The following GPR137C variants were observed in gnomAD, a reference collection of about 807,000 sequenced individuals.
The protein encoded by GPR137C is G protein-coupled receptor 137C, also known as integral membrane protein GPR137C.
A neutral mutation model predicts 43.4 loss-of-function variants in GPR137C; 27 were observed. That is an observed-to-expected ratio of 0.62 (90% CI 0.46 to 0.86). GPR137C has a LOEUF of 0.86. Ranked by LOEUF, GPR137C falls within the 40% of genes least tolerant of loss-of-function variation. The pLI, the probability that GPR137C is intolerant of heterozygous loss-of-function variation, is 0.00. For synonymous variants in GPR137C, 285 were observed against 226.9 expected (o/e 1.26, Z -2.30); for missense variants, 522 against 534.6 (o/e 0.98, Z 0.23).
At chr14:52,570,220 C>T (rs988277807) in intron 1 of GPR137C, among the ~76,000 whole-genome samples, 1 of 152,112 alleles carries the variant, frequency 6.6e-6, no homozygotes, top group Non-Finnish European at 1.5e-5. Flanking sequence ...GAATTTTCAA[C>T]CCAGAATTTC....
chr14:52,585,556 A>G (rs1003897302), intron 1 of GPR137C, among the ~76,000 whole-genome samples: 2 of 152,224 alleles, frequency 1.3e-5, no homozygotes, highest in East Asian at 1.9e-4. Flanking sequence ...GACCAAGGCC[A>G]GGTATGGTGG....
chr14:52,600,857 A>C (rs2038915906), intron 3 of GPR137C, among the ~76,000 whole-genome samples: 1 of 152,200 alleles, frequency 6.6e-6, no homozygotes, highest in Non-Finnish European at 1.5e-5. Flanking sequence ...ATTTTGCACA[A>C]TAAGGGTGGC....
At chr14:52,597,800 C>T (rs1363898060) in intron 1 of GPR137C, among the ~76,000 whole-genome samples, 5 of 152,152 alleles carry the variant, frequency 3.3e-5, no homozygotes, top group Admixed American at 3.3e-4. Flanking sequence ...TATGATATAT[C>T]CTCATTATCT....
chr14:52,567,668 T>A (rs903422941), intron 1 of GPR137C, among the ~76,000 whole-genome samples: 9 of 151,192 alleles, frequency 6.0e-5, no homozygotes, highest in African/African-American at 9.7e-5. Context: ...TTTGGTTTTT[T>A]TTTTTTTTTG....
chr14:52,591,371 G>C (rs552740770), intron 1 of GPR137C, among the ~76,000 whole-genome samples: 56 of 152,308 alleles, frequency 3.7e-4, no homozygotes, highest in African/African-American at 1.3e-3. Context: ...GGGTCAAGTA[G>C]TATTTCTAGT....
chr14:52,626,444 C>G (rs1384128392), intron 3 of GPR137C, among the ~76,000 whole-genome samples: 1 of 151,090 alleles, frequency 6.6e-6, no homozygotes, highest in African/African-American at 2.4e-5. Flanking sequence ...AAATTTGGTA[C>G]CCTTCATGAT....
At chr14:52,588,326 A>G (rs1248577728) in intron 1 of GPR137C, among the ~76,000 whole-genome samples, 1 of 151,870 alleles carries the variant, frequency 6.6e-6, no homozygotes, top group Non-Finnish European at 1.5e-5. Context: ...TTTTTATTTA[A>G]TAGAGACAGG....
At chr14:52,633,793 A>G (rs756068816) in intron 5 of GPR137C, 35 bp from the exon 6 acceptor site, 5 of 1,542,454 alleles carry the variant, frequency 3.2e-6, no homozygotes, top group Non-Finnish European at 3.6e-6. Flanking sequence ...TGGAAAAGTA[A>G]AACCTTCATA....
At chr14:52,608,202 T>C (rs147418492) in intron 3 of GPR137C, among the ~76,000 whole-genome samples, 2 of 152,344 alleles carry the variant, frequency 1.3e-5, no homozygotes, top group East Asian at 3.9e-4. Flanking sequence ...TCTTCTTTTG[T>C]GGTTAAGTGA....
At chr14:52,574,740 C>T (rs2038525626) in intron 1 of GPR137C, among the ~76,000 whole-genome samples, 1 of 152,026 alleles carries the variant, frequency 6.6e-6, no homozygotes, top group African/African-American at 2.4e-5. Context: ...TTAAAGCAAG[C>T]GACATTTCTT....
rs765817128 is a variant in GPR137C at position 52,553,378 on chromosome 14, G to C, written c.231G>C (p.Arg77=). ...GGCGGCTGCTCCTGTACCGCGAGCG[G>C]CGGCTGAGTTACCAGAGCCTCTGCC... ...QLWRLLLYRE[R]RLSYQSLCLF... is the part of the protein sequence containing the mutation. Residue 77 remains arginine, a synonymous_variant, in exon 1 of 7, where the codon CGG becomes CGC. Coordinates refer to ENST00000321662, the MANE Select transcript of GPR137C (RefSeq NM_001099652.2). The C allele has an allele frequency of 4.7e-5, 75 of 1,605,120 alleles. No individual in the cohort carries two copies. The highest frequency in any genetic ancestry group is 1.7e-4 in the Middle Eastern group (1 of 6,040).
intron 3 of GPR137C, among the ~76,000 whole-genome samples, chr14:52,603,867 A>G (rs570337705): frequency 6.6e-6 from 1 of 152,084 alleles, no homozygotes; most frequent in East Asian, 1.9e-4. Flanking sequence ...CGGTTGTCCT[A>G]CTTTACATTC....
intron 1 of GPR137C, among the ~76,000 whole-genome samples, chr14:52,593,504 C>G (rs1393329862): frequency 2.0e-5 from 3 of 152,122 alleles, no homozygotes; most frequent in African/African-American, 7.2e-5. Flanking sequence ...GCCTCAATTT[C>G]AGAACCTGTT....
At chr14:52,595,580 C>T (rs1344553841) in intron 1 of GPR137C, among the ~76,000 whole-genome samples, 1 of 152,116 alleles carries the variant, frequency 6.6e-6, no homozygotes, top group Non-Finnish European at 1.5e-5. Flanking sequence ...TCTTGAATCA[C>T]TGATATCCTT....
intron 1 of GPR137C, among the ~76,000 whole-genome samples, chr14:52,556,502 C>G (rs1415763510): frequency 6.8e-6 from 1 of 147,160 alleles, no homozygotes; most frequent in East Asian, 2.2e-4. Context: ...TCCTGGAAGC[C>G]TATAGTTGAG....
At chr14:52,612,004 G>GT in intron 3 of GPR137C, 1 of 985,350 alleles carries the variant, frequency 1.0e-6, no homozygotes, top group Non-Finnish European at 1.2e-6. Flanking sequence ...TTGGCAGAAT[G>GT]TTGTTCTTTG....
chr14:52,613,622 C>A, intron 3 of GPR137C: 1 of 208,256 alleles, frequency 4.8e-6, no homozygotes. Context: ...CTTTCTGTGC[C>A]TGGCATATTT....
At chr14:52,609,411 C>A (rs566762773) in intron 3 of GPR137C, among the ~76,000 whole-genome samples, 73 of 152,226 alleles carry the variant, frequency 4.8e-4, no homozygotes, top group African/African-American at 1.8e-3. Flanking sequence ...GTAAGTGGCA[C>A]CTTATTTTAT....
intron 1 of GPR137C, among the ~76,000 whole-genome samples, chr14:52,590,282 G>GAAGAAAGA (rs1190772992): frequency 6.6e-6 from 1 of 152,102 alleles, no homozygotes; most frequent in African/African-American, 2.4e-5. Context: ...ATAAGGATAT[G>GAAGAAAGA]AAGAAAGAAA....
Sources: allele counts gnomAD v4.1 joint callset (sites outside exome capture counted in the v4.1 genomes callset), GRCh38; gene constraint gnomAD v4.1.1; transcripts MANE v1.5; gene names NCBI Gene and HGNC (gene_info 2026-07-23, HGNC 2026-07-21).